The following ME3 variants were observed in gnomAD, a reference collection of about 807,000 sequenced individuals.
The protein encoded by ME3 is malic enzyme 3.
Under a neutral mutation model 68.9 loss-of-function variants are expected in ME3, and 48 were observed. The observed-to-expected ratio is 0.70, with a 90% CI of 0.55 to 0.89. The LOEUF is 0.89. Among genes scored for constraint, ME3 ranks in the 40% least tolerant of loss-of-function variants. The pLI, the probability that ME3 is intolerant of heterozygous loss-of-function variation, is 0.00. For synonymous variants in ME3, 320 were observed against 318.8 expected (o/e 1.00, Z -0.04); for missense variants, 675 against 797.4 (o/e 0.85, Z 1.85).
chr11:86,626,610 C>T (rs944620721), intron 2 of ME3, among the ~76,000 whole-genome samples: 1 of 152,170 alleles, frequency 6.6e-6, no homozygotes, highest in African/African-American at 2.4e-5. Context: ...CCCTGTGATA[C>T]CTTAGAGCAG....
At chr11:86,508,922 T>C in intron 4 of ME3, 55 bp from the exon 5 acceptor site, 2 of 1,419,550 alleles carry the variant, frequency 1.4e-6, no homozygotes, top group Non-Finnish European at 9.9e-7. Context: ...GATTAGGAAC[T>C]GAGCAAAGTC....
At chr11:86,560,744 G>GTA (rs58764893) in intron 2 of ME3, among the ~76,000 whole-genome samples, 30 of 66,902 alleles carry the variant, frequency 4.5e-4, no homozygotes, top group East Asian at 2.2e-3. Flanking sequence ...GTGTGTGTGT[G>GTA]TGTGTATATA....
intron 2 of ME3, among the ~76,000 whole-genome samples, chr11:86,621,784 G>A (rs4944610): frequency 0.12 from 18,166 of 151,946 alleles, 1,637 homozygotes; most frequent in East Asian, 0.4. Context: ...TTGGAATAAT[G>A]GGGAGAGGGA....
At chr11:86,441,927 G>T (rs187180716) in intron 14 of ME3, among the ~76,000 whole-genome samples, 1 of 152,138 alleles carries the variant, frequency 6.6e-6, no homozygotes, top group East Asian at 1.9e-4. Flanking sequence ...TCTAAATATC[G>T]CCCAAAGGAA....
chr11:86,596,796 T>C (rs2139697155), intron 2 of ME3, among the ~76,000 whole-genome samples: 1 of 152,378 alleles, frequency 6.6e-6, no homozygotes, highest in South Asian at 2.1e-4. Context: ...TAACTCATTA[T>C]ATCACTTGGC....
At chr11:86,637,756 T>C (rs1944428508) in intron 2 of ME3, among the ~76,000 whole-genome samples, 1 of 152,012 alleles carries the variant, frequency 6.6e-6, no homozygotes, top group African/African-American at 2.4e-5. Context: ...TGGTAGAGGT[T>C]GATGAAGAAG....
At chr11:86,457,473 T>A in intron 8 of ME3, 1 of 1,032,262 alleles carries the variant, frequency 9.7e-7, no homozygotes, top group Non-Finnish European at 1.2e-6. Context: ...TGCCCATTTT[T>A]TTCCTTTGGG....
chr11:86,516,214 A>T (rs181384037), intron 4 of ME3, among the ~76,000 whole-genome samples: 3 of 152,294 alleles, frequency 2.0e-5, no homozygotes, highest in African/African-American at 7.2e-5. Context: ...CAGGGAATCA[A>T]TTTTGGAACT....
exon 1 of ME3, chr11:86,672,595 C>G (rs1225057165): frequency 6.7e-6 from 1 of 150,250 alleles, no homozygotes; most frequent in Non-Finnish European, 1.5e-5. Context: ...CTGAGACTCT[C>G]CATCTTGGCA....
chr11:86,560,923 C>G (rs1199701085), intron 2 of ME3, among the ~76,000 whole-genome samples: 1 of 151,544 alleles, frequency 6.6e-6, no homozygotes, highest in Non-Finnish European at 1.5e-5. Flanking sequence ...ACATACCCCT[C>G]TACTGGAACT....
At chr11:86,468,164 C>CCTCTGAGCCCTTCACCATGTT (rs375286407) in intron 7 of ME3, among the ~76,000 whole-genome samples, 19 of 152,316 alleles carry the variant, frequency 1.2e-4, no homozygotes, top group African/African-American at 4.3e-4. Context: ...TGCACCAAGA[C>CCTCTGAGCCCTTCACCATGTT]CTCTGAGCCC....
rs866435754 is a variant in ME3, at chr11:86,654,852, C to T, written c.183+16910G>A. ...TGATTGTATATCTAGAAAACCCCATCGTCTCAGCCCAAAATCTCCTTAAGC... is the reference window on the plus strand; with the variant it reads ...TGATTGTATATCTAGAAAACCCCATTGTCTCAGCCCAAAATCTCCTTAAGC... On this transcript the variant is annotated intron_variant, in intron 2 of 14. Transcript: ENST00000543262. Among the ~76,000 whole-genome samples the T allele has an allele frequency of 9.3e-3, 1,411 of 152,194 alleles. 28 individuals are homozygous for T. The highest frequency in any genetic ancestry group is 0.031 in the African/African-American group (1,302 of 41,522).
chr11:86,498,596 C>T (rs1049706212), intron 5 of ME3, among the ~76,000 whole-genome samples: 14 of 152,184 alleles, frequency 9.2e-5, no homozygotes, highest in Non-Finnish European at 1.9e-4. Flanking sequence ...ATGAAAAATC[C>T]GATCTGCAAA....
chr11:86,468,463 A>G (rs760916569), intron 7 of ME3, among the ~76,000 whole-genome samples: 11 of 152,196 alleles, frequency 7.2e-5, no homozygotes, highest in Non-Finnish European at 1.0e-4. Flanking sequence ...TCACCCATCC[A>G]TAAATTCATC....
At position 86,477,691 on chromosome 11, in the gene ME3, AGT is replaced by A. The variant is rs1197136802; in HGVS notation, c.809+9644_809+9645del. Among the ~76,000 whole-genome samples the A allele has an allele frequency of 1.2e-4, 19 of 152,248 alleles. No individual in the cohort carries two copies. The East Asian group carries it at 2.3e-3, about 19-fold the overall frequency. On this transcript the variant is annotated intron_variant, in intron 7 of 14. Coordinates refer to ENST00000543262, the Ensembl canonical transcript of ME3. ...GTGTCATTGAATCATATCCCGAGGC[AGT>A]GAGTTTCTTCCAGCACATTTTGGCC...
chr11:86,547,791 A>G (rs1956454448), intron 4 of ME3, among the ~76,000 whole-genome samples: 1 of 152,172 alleles, frequency 6.6e-6, no homozygotes, highest in African/African-American at 2.4e-5. Flanking sequence ...TCCTGCTTAT[A>G]TGTACGTATT....
At chr11:86,469,368 TG>T (rs1390511382) in intron 7 of ME3, among the ~76,000 whole-genome samples, 3 of 151,760 alleles carry the variant, frequency 2.0e-5, no homozygotes, top group African/African-American at 7.3e-5. Context: ...GGGGGGTGAG[TG>T]TCTTAGAGCC....
chr11:86,617,311 A>G (rs1943045465), intron 2 of ME3, among the ~76,000 whole-genome samples: 1 of 151,950 alleles, frequency 6.6e-6, no homozygotes, highest in South Asian at 2.1e-4. Flanking sequence ...AATGTAAGCC[A>G]TATGTTTATT....
intron 2 of ME3, among the ~76,000 whole-genome samples, chr11:86,662,974 A>G (rs1946376709): frequency 6.6e-6 from 1 of 152,016 alleles, no homozygotes; most frequent in Non-Finnish European, 1.5e-5. Flanking sequence ...AGAGATGTAG[A>G]CTCCCTCCTT....
Sources: gnomAD v4.1 joint callset for allele counts (sites outside exome capture counted in the v4.1 genomes callset) on GRCh38, gnomAD v4.1.1 for gene constraint, MANE v1.5 for transcripts, NCBI Gene and HGNC (gene_info 2026-07-23, HGNC 2026-07-21) for gene names.